Variants in SH3BGR observed in about 807,000 individuals in gnomAD.
SH3BGR encodes the protein SH3 domain-binding glutamic acid-rich protein.
In SH3BGR, 29 loss-of-function variants were observed where a neutral mutation model predicts 24.5. The observed-to-expected ratio is 1.18, with a 90% CI of 0.88 to 1.61. The LOEUF (loss-of-function observed/expected upper bound fraction) is 1.61. Among genes scored for constraint, SH3BGR ranks in the 40% most tolerant of loss-of-function variants. SH3BGR has a pLI of 0.00. For missense variants in SH3BGR, 162 were observed against 205.8 expected, an observed-to-expected ratio of 0.79 and a Z score of 1.30; for synonymous variants, 55 against 65.7, an observed-to-expected ratio of 0.84 and a Z score of 0.79.
At chr21:39,486,509 G>A (rs535835743) in intron 3 of SH3BGR, among the ~76,000 whole-genome samples, 25 of 152,256 alleles carry the variant, frequency 1.6e-4, no homozygotes, top group African/African-American at 5.8e-4. Flanking sequence ...GATGTAGTAG[G>A]TCTGGAGTAG....
At chr21:39,459,276 G>C (rs1366920146) in intron 1 of SH3BGR, among the ~76,000 whole-genome samples, 1 of 150,530 alleles carries the variant, frequency 6.6e-6, no homozygotes, top group African/African-American at 2.4e-5. Context: ...CCAGGCTGGA[G>C]TGCAGTGGCA....
intron 2 of SH3BGR, among the ~76,000 whole-genome samples, chr21:39,467,512 G>A (rs1430406444): frequency 6.6e-6 from 1 of 152,086 alleles, no homozygotes; most frequent in Non-Finnish European, 1.5e-5. Context: ...TCATGAAGAA[G>A]AGGGCTTTGT....
At chr21:39,510,437 CACACACACACACACACACT>C (rs2078665064) in intron 5 of SH3BGR, among the ~76,000 whole-genome samples, 1 of 102,716 alleles carries the variant, frequency 9.7e-6, no homozygotes, top group Non-Finnish European at 1.9e-5. Flanking sequence ...GCTACACACA[CACACACACACACACACACT>C]GTAGCTACAC....
intron 1 of SH3BGR, among the ~76,000 whole-genome samples, chr21:39,457,879 C>G (rs539868905): frequency 7.9e-5 from 12 of 151,912 alleles, no homozygotes; most frequent in Non-Finnish European, 1.2e-4. Flanking sequence ...GAGCCAAGAT[C>G]GTGCCACTGC....
chr21:39,458,402 A>G (rs1316793725), intron 1 of SH3BGR, among the ~76,000 whole-genome samples: 2 of 152,028 alleles, frequency 1.3e-5, no homozygotes, highest in Non-Finnish European at 2.9e-5. Flanking sequence ...ACAGTGGTGC[A>G]ATATTGGCTC....
At chr21:39,509,279 C>T (rs1033780172) in intron 5 of SH3BGR, among the ~76,000 whole-genome samples, 3 of 152,064 alleles carry the variant, frequency 2.0e-5, no homozygotes, top group Admixed American at 6.5e-5. Flanking sequence ...AGGTGTCTTC[C>T]GTGGTTTCTC....
intron 2 of SH3BGR, 107 bp downstream of exon 2, chr21:39,462,667 G>A (rs556092185): frequency 2.9e-6 from 2 of 687,354 alleles, no homozygotes; most frequent in African/African-American, 1.9e-5. Flanking sequence ...CAACTGTCAG[G>A]TCATGGTCTA....
At chr21:39,505,319 T>C (rs1054478042) in intron 4 of SH3BGR, among the ~76,000 whole-genome samples, 6 of 152,208 alleles carry the variant, frequency 3.9e-5, no homozygotes, top group African/African-American at 1.4e-4. Flanking sequence ...GGGAAGCTTG[T>C]GGTGGTAATA....
intron 4 of SH3BGR, among the ~76,000 whole-genome samples, chr21:39,500,239 A>G (rs181955513): frequency 3.6e-4 from 55 of 152,150 alleles, no homozygotes; most frequent in African/African-American, 1.2e-3. Flanking sequence ...CTGCTTGATC[A>G]TGATTAATGA....
At chr21:39,470,182 T>A (rs2077914791) in intron 2 of SH3BGR, among the ~76,000 whole-genome samples, 1 of 152,152 alleles carries the variant, frequency 6.6e-6, no homozygotes, top group South Asian at 2.1e-4. Context: ...TAATCTATCC[T>A]TTTAGTGGTT....
chr21:39,483,970 A>G (rs2078170187), intron 3 of SH3BGR, among the ~76,000 whole-genome samples: 1 of 152,188 alleles, frequency 6.6e-6, no homozygotes, highest in African/African-American at 2.4e-5. Flanking sequence ...TAAGGCAATG[A>G]AATTTATGAG....
intron 3 of SH3BGR, among the ~76,000 whole-genome samples, chr21:39,485,153 A>C (rs919085472): frequency 6.6e-6 from 1 of 152,242 alleles, no homozygotes; most frequent in African/African-American, 2.4e-5. Flanking sequence ...GCATGTGGTC[A>C]TATCTGATTA....
upstream of SH3BGR, chr21:39,446,991 C>T (rs751678902): frequency 6.6e-6 from 1 of 152,000 alleles, no homozygotes; most frequent in Non-Finnish European, 1.5e-5. Flanking sequence ...GACAAGCTTT[C>T]TCTCCATATC....
intron 1 of SH3BGR, among the ~76,000 whole-genome samples, chr21:39,458,490 A>T (rs1036003176): frequency 6.6e-6 from 1 of 151,802 alleles, no homozygotes; most frequent in African/African-American, 2.4e-5. Flanking sequence ...GATGCGTGCC[A>T]CCACACCCAG....
chr21:39,491,990 ACTTC>A (rs1569167416), intron 3 of SH3BGR: 1 of 151,918 alleles, frequency 6.6e-6, no homozygotes, highest in Non-Finnish European at 1.5e-5. Flanking sequence ...TGTGTTTTAG[ACTTC>A]CTTTTTAACT....
At chr21:39,472,139 A>G (rs1031486219) in intron 2 of SH3BGR, among the ~76,000 whole-genome samples, 1 of 151,990 alleles carries the variant, frequency 6.6e-6, no homozygotes, top group Non-Finnish European at 1.5e-5. Context: ...ATTAGTGGCT[A>G]TCTTAGTCTG....
chr21:39,459,990 T>C (rs1326357922), intron 1 of SH3BGR, among the ~76,000 whole-genome samples: 1 of 152,208 alleles, frequency 6.6e-6, no homozygotes, highest in East Asian at 1.9e-4. Flanking sequence ...GTGAATTCTT[T>C]GAAGAAAGAA....
At chr21:39,493,777 G>A (rs889465379) in intron 3 of SH3BGR, among the ~76,000 whole-genome samples, 8 of 152,006 alleles carry the variant, frequency 5.3e-5, no homozygotes, top group Admixed American at 2.6e-4. Context: ...TGTTTGTGTC[G>A]TCTATGATTT....
intron 1 of SH3BGR, among the ~76,000 whole-genome samples, chr21:39,459,964 T>C (rs2077728136): frequency 6.6e-6 from 1 of 152,236 alleles, no homozygotes; most frequent in African/African-American, 2.4e-5. Flanking sequence ...AAAGATGGCA[T>C]CATACATTTT....
Sources: allele counts gnomAD v4.1 joint callset (sites outside exome capture counted in the v4.1 genomes callset), GRCh38; gene constraint gnomAD v4.1.1; transcripts MANE v1.5; gene names NCBI Gene and HGNC (gene_info 2026-07-23, HGNC 2026-07-21).